The following COL14A1 variants were observed in gnomAD, a reference collection of about 807,000 sequenced individuals.
The protein encoded by COL14A1 is collagen alpha-1(XIV) chain.
A neutral mutation model predicts 230.3 loss-of-function variants in COL14A1; 136 were observed. The ratio of observed to expected loss-of-function variants is 0.59; its 90% confidence interval spans 0.51 to 0.68. COL14A1 has a LOEUF of 0.68. Among genes scored for constraint, COL14A1 ranks in the 30% least tolerant of loss-of-function variants. COL14A1 has a pLI of 0.00. For synonymous variants in COL14A1, 792 were observed against 784.1 expected, an observed-to-expected ratio of 1.01 and a Z score of -0.17; for missense variants, 1,976 against 2,215.8, an observed-to-expected ratio of 0.89 and a Z score of 2.17.
intron 40 of COL14A1, among the ~76,000 whole-genome samples, chr8:120,322,452 T>G (rs1455978589): frequency 6.6e-6 from 1 of 152,202 alleles, no homozygotes; most frequent in Non-Finnish European, 1.5e-5. Context: ...ACATGTGACA[T>G]GAGGGTTGGT....
At chr8:120,212,064 T>G (rs536024425) in intron 12 of COL14A1, among the ~76,000 whole-genome samples, 3 of 152,252 alleles carry the variant, frequency 2.0e-5, no homozygotes, top group South Asian at 4.1e-4. Flanking sequence ...TACTGAAAGA[T>G]GCCCACTTGG....
chr8:120,218,929 C>G (rs755300660), intron 14 of COL14A1, among the ~76,000 whole-genome samples: 12 of 152,152 alleles, frequency 7.9e-5, no homozygotes, highest in African/African-American at 2.2e-4. Context: ...ACGAAAGTAA[C>G]ATGACTATAT....
At chr8:120,348,793 A>C (rs1051885541) in intron 45 of COL14A1, among the ~76,000 whole-genome samples, 12 of 152,250 alleles carry the variant, frequency 7.9e-5, no homozygotes, top group Non-Finnish European at 1.5e-4. Flanking sequence ...TGTGATACAC[A>C]GTAAAAAATA....
At chr8:120,349,042 G>C (rs1313072386) in intron 45 of COL14A1, among the ~76,000 whole-genome samples, 1 of 152,164 alleles carries the variant, frequency 6.6e-6, no homozygotes, top group Non-Finnish European at 1.5e-5. Flanking sequence ...GGAGATCTGA[G>C]AACCGGCAGA....
intron 40 of COL14A1, among the ~76,000 whole-genome samples, chr8:120,322,729 G>GTTTT (rs55890516): frequency 6.7e-6 from 1 of 149,634 alleles, no homozygotes; most frequent in Admixed American, 6.7e-5. Context: ...ACATGTTCTT[G>GTTTT]TTTTTTTTTT....
At position 120,278,166 on chromosome 8, in the gene COL14A1, A is replaced by G; in HGVS notation, c.3269A>G (p.Tyr1090Cys). 3 of 1,612,060 alleles carry G rather than the reference A, an allele frequency of 1.9e-6. No homozygotes were observed. The highest frequency in any genetic ancestry group is 2.5e-6 in the Non-Finnish European group (3 of 1,178,994). The part of the protein sequence containing the change: ...DPRTEFKLNA[Y>C]KTKETLLDAI... The stretch of plus-strand genomic sequence containing the variant: ...AGAACAGAATTTAAACTAAATGCTT[A>G]CAAAACCAAAGAGACTCTTCTTGAT... Residue 1090 changes from tyrosine (Y) to cysteine (C), a missense_variant, in exon 27 of 48, where the codon TAC becomes TGC. Physicochemically the swap from Tyr to Cys is radical, Grantham distance 194 (BLOSUM62 -2). Around this residue, in one of 3 missense-constraint regions of COL14A1, gnomAD observed 1,791 missense variants for 2,019.5 expected, o/e 0.89. Transcript: ENST00000297848.
intron 5 of COL14A1, among the ~76,000 whole-genome samples, chr8:120,193,453 C>A (rs1341804906): frequency 6.6e-6 from 1 of 152,138 alleles, no homozygotes; most frequent in Admixed American, 6.5e-5. Context: ...TCAGTCTGCC[C>A]CTACTGGGCG....
chr8:120,310,597 G>T (rs544424510), intron 37 of COL14A1, among the ~76,000 whole-genome samples: 43 of 152,304 alleles, frequency 2.8e-4, no homozygotes, highest in African/African-American at 9.9e-4. Flanking sequence ...GCCATGTCAA[G>T]GAACACGTTT....
chr8:120,310,569 G>A (rs919109174), intron 37 of COL14A1, among the ~76,000 whole-genome samples: 1 of 152,140 alleles, frequency 6.6e-6, no homozygotes, highest in African/African-American at 2.4e-5. Flanking sequence ...CACCTGCCAA[G>A]AGACCAAGCC....
intron 45 of COL14A1, among the ~76,000 whole-genome samples, chr8:120,358,276 G>T (rs1471782107): frequency 2.0e-5 from 3 of 152,134 alleles, no homozygotes; most frequent in African/African-American, 4.8e-5. Flanking sequence ...ATGCTTTCTT[G>T]AATTGGCCCT....
chr8:120,245,274 T>C (rs1210710260), intron 20 of COL14A1, among the ~76,000 whole-genome samples: 1 of 152,200 alleles, frequency 6.6e-6, no homozygotes, highest in African/African-American at 2.4e-5. Context: ...TTTATTCATG[T>C]ATTTGCTCAC....
In COL14A1 at chr8:120,247,742, A is replaced by G. The variant is rs1365492387; in HGVS notation, c.2602+7A>G. 1.2e-6 allele frequency: 2 copies of G among 1,611,906 alleles called. No homozygotes were observed. Among genetic ancestry groups the G allele is most frequent in the Middle Eastern group, 1.7e-4 (1 of 6,054 alleles). On this transcript the variant is annotated splice_region_variant and intron_variant, in intron 21 of 47. Coordinates refer to ENST00000297848, the MANE Select transcript of COL14A1 (RefSeq NM_021110.4). ...GTCTACAAACCTGTCAGTGGTAAGT[A>G]ATGCTTTGTAAATAATGTTGATACC...
At chr8:120,337,411 AAAAAAAAG>A (rs1012626947) in intron 42 of COL14A1, among the ~76,000 whole-genome samples, 24 of 151,562 alleles carry the variant, frequency 1.6e-4, no homozygotes, top group Admixed American at 2.0e-4. Flanking sequence ...TAAAAAAAAA[AAAAAAAAG>A]AAAAAAGAAA....
chr8:120,171,614 C>T (rs891624202), intron 5 of COL14A1, among the ~76,000 whole-genome samples: 2 of 152,050 alleles, frequency 1.3e-5, no homozygotes, highest in Admixed American at 1.3e-4. Context: ...GGTAGGTGAC[C>T]TCTCTTTTCT....
rs535122671 is a variant in COL14A1 at position 120,300,949 on chromosome 8, C to G, written c.4401+131C>G. ...TTAATTGTAGGAATGCAGTGAGACA[C>G]AGAGATGTTAAGTAACTTGATTAAA... is the stretch of plus-strand genomic sequence containing the variant. On this transcript the variant is annotated intron_variant, in intron 36 of 47. Coordinates refer to ENST00000297848, the MANE Select transcript of COL14A1 (RefSeq NM_021110.4). The G allele has an allele frequency of 3.0e-5, 22 of 724,298 alleles. No individual in the cohort carries two copies. In the African/African-American group the frequency reaches 3.7e-4, roughly 12 times the overall value. 44.9% of individuals were successfully genotyped at this position (724,298 alleles called of 1,614,324 possible).
intron 5 of COL14A1, among the ~76,000 whole-genome samples, chr8:120,187,639 T>G (rs978815950): frequency 2.6e-5 from 4 of 152,214 alleles, no homozygotes; most frequent in Admixed American, 2.0e-4. Context: ...ATAAAATTGG[T>G]GTAAAATTAT....
At chr8:120,184,752 A>T (rs1484887663) in intron 5 of COL14A1, among the ~76,000 whole-genome samples, 1 of 152,188 alleles carries the variant, frequency 6.6e-6, no homozygotes, top group Non-Finnish European at 1.5e-5. Context: ...CCAGTGTTTT[A>T]GTTCAAGTCT....
At chr8:120,179,732 G>A (rs902843000) in intron 5 of COL14A1, among the ~76,000 whole-genome samples, 3 of 152,114 alleles carry the variant, frequency 2.0e-5, no homozygotes, top group Admixed American at 1.3e-4. Flanking sequence ...AAAAAAGCCT[G>A]TATAGCCAAG....
At chr8:120,129,764 T>C (rs1456740233) in intron 1 of COL14A1, among the ~76,000 whole-genome samples, 1 of 152,236 alleles carries the variant, frequency 6.6e-6, no homozygotes, top group Non-Finnish European at 1.5e-5. Context: ...TCAAGTGTCA[T>C]TGACCCTAGG....
Sources: gnomAD v4.1 joint callset for allele counts (sites outside exome capture counted in the v4.1 genomes callset) on GRCh38, gnomAD v4.1.1 for gene constraint, gnomAD v4.1.1 regional missense constraint, MANE v1.5 for transcripts, NCBI Gene and HGNC (gene_info 2026-07-23, HGNC 2026-07-21) for gene names.